ADGRG7: variants seen among roughly 807,000 people sequenced by gnomAD.
ADGRG7 encodes the protein G-protein coupled receptor 128.
ADGRG7 carries 82 observed loss-of-function variants against 88.6 expected under a neutral mutation model. The observed-to-expected ratio is 0.93, with a 90% CI of 0.77 to 1.11. The LOEUF is 1.11. Ranked by LOEUF, ADGRG7 falls within the 50% of genes most tolerant of loss-of-function variation. The pLI is 0.00. For synonymous variants in ADGRG7, 381 were observed against 345.2 expected, an observed-to-expected ratio of 1.10 and a Z score of -1.15; for missense variants, 945 against 953.4, an observed-to-expected ratio of 0.99 and a Z score of 0.12.
intron 11 of ADGRG7, chr3:100,654,513 C>A: frequency 4.5e-6 from 1 of 221,114 alleles, no homozygotes; most frequent in East Asian, 1.2e-4. Context: ...TGTGAAGGGA[C>A]TACGCAGGGC....
At chr3:100,669,147 G>A (rs772162545) in intron 15 of ADGRG7, 42 bp downstream of exon 15, 20 of 1,408,062 alleles carry the variant, frequency 1.4e-5, no homozygotes, top group Non-Finnish European at 1.7e-5. Flanking sequence ...ACACGCAGTG[G>A]TGGAGATATC....
intron 15 of ADGRG7, among the ~76,000 whole-genome samples, chr3:100,691,241 G>C (rs1447913405): frequency 6.6e-6 from 1 of 152,194 alleles, no homozygotes; most frequent in East Asian, 1.9e-4. Context: ...GGAGTGACCC[G>C]ATTTTCCAGG....
rs1707449136 is a variant in ADGRG7, at chr3:100,630,742, T to G, written c.267T>G (p.Thr89=). 1 of 1,473,356 alleles carries G rather than the reference T, an allele frequency of 6.8e-7. No homozygotes were observed. Among genetic ancestry groups the G allele is most frequent in the South Asian group, 1.6e-5 (1 of 64,218 alleles). 91.3% of individuals were successfully genotyped at this position (1,473,356 alleles called of 1,614,324 possible). The part of the protein sequence containing the change: ...FCENSTYMGF[T]FARIPVGRYG... ...AAAATAGTACCTATATGGGTTTTAC[T>G]TTTGCCAGAATCCCAGTGGGCAGAT... Residue 89 remains threonine (T), a synonymous_variant, in exon 3 of 16, where the codon ACT becomes ACG. Coordinates refer to ENST00000273352, the MANE Select transcript of ADGRG7 (RefSeq NM_032787.3).
In ADGRG7 at chr3:100,639,696, C is replaced by T. The variant is rs16842463; in HGVS notation, c.698+2294C>T. Among the ~76,000 whole-genome samples, 709 of 152,036 alleles carry T rather than the reference C, an allele frequency of 4.7e-3. 9 individuals carry two copies. Among genetic ancestry groups the T allele is most frequent in the African/African-American group, 0.016 (667 of 41,442 alleles). ...ATTCTTGCTAGACGGGAGGAATGAA[C>T]GTTTTTGGTGAGAAAGCTGGGAAAA... is the stretch of plus-strand genomic sequence containing the variant. On this transcript the variant is annotated intron_variant, in intron 6 of 15. Transcript: ENST00000273352.
chr3:100,615,596 A>C (rs898294741), intron 1 of ADGRG7, among the ~76,000 whole-genome samples: 5 of 152,242 alleles, frequency 3.3e-5, no homozygotes, highest in African/African-American at 1.2e-4. Context: ...AAAATTGGCA[A>C]ATTACTCCTT....
chr3:100,624,012 T>C (rs529822478), intron 1 of ADGRG7, among the ~76,000 whole-genome samples: 1 of 152,148 alleles, frequency 6.6e-6, no homozygotes, highest in Non-Finnish European at 1.5e-5. Context: ...AATAAACATA[T>C]GGGTTCATGT....
chr3:100,637,185 C>G, intron 5 of ADGRG7, 117 bp from the exon 6 acceptor site: 1 of 691,560 alleles, frequency 1.4e-6, no homozygotes, highest in Non-Finnish European at 2.5e-6. Context: ...AAATGCTTCC[C>G]TCTACATTAT....
chr3:100,686,215 T>C (rs1253819819), intron 15 of ADGRG7, among the ~76,000 whole-genome samples: 1 of 152,082 alleles, frequency 6.6e-6, no homozygotes, highest in Non-Finnish European at 1.5e-5. Flanking sequence ...CACTTTTTGA[T>C]GGGGTTGTTT....
At chr3:100,684,935 A>G (rs890794446) in intron 15 of ADGRG7, among the ~76,000 whole-genome samples, 1 of 152,072 alleles carries the variant, frequency 6.6e-6, no homozygotes, top group Non-Finnish European at 1.5e-5. Context: ...TTTAAAATTT[A>G]TCATGTTGTG....
chr3:100,631,948 T>C lies in ADGRG7; in HGVS notation c.334+1139T>C, dbSNP rs192629522. ...AGTATTCATGATGCTACTCTATCTA[T>C]AAGTCCTCCTGAATTTTTTACTCAC... On this transcript the variant is annotated intron_variant, in intron 3 of 15. Transcript: ENST00000273352. Among the ~76,000 whole-genome samples the C allele has an allele frequency of 2.2e-4, 34 of 152,252 alleles. 1 individual carries two copies. In the East Asian group the frequency reaches 6.0e-3, roughly 27 times the overall value.
chr3:100,689,829 T>C (rs1342074863), intron 15 of ADGRG7, among the ~76,000 whole-genome samples: 1 of 152,192 alleles, frequency 6.6e-6, no homozygotes, highest in Admixed American at 6.5e-5. Flanking sequence ...ATTTCGACTT[T>C]GGTGAATTTG....
intron 1 of ADGRG7, among the ~76,000 whole-genome samples, chr3:100,616,251 A>T (rs1707223363): frequency 6.6e-6 from 1 of 152,162 alleles, no homozygotes; most frequent in South Asian, 2.1e-4. Flanking sequence ...ACAATACAAA[A>T]TTACATGCGA....
intron 1 of ADGRG7, among the ~76,000 whole-genome samples, chr3:100,623,686 T>C (rs912965943): frequency 1.3e-5 from 2 of 152,152 alleles, no homozygotes; most frequent in Non-Finnish European, 2.9e-5. Context: ...TTTGTCTTAA[T>C]GCTCTCCCTC....
At chr3:100,669,206 G>A in intron 15 of ADGRG7, 101 bp downstream of exon 15, 1 of 995,506 alleles carries the variant, frequency 1.0e-6, no homozygotes, top group Non-Finnish European at 1.4e-6. Flanking sequence ...AAAAATCTAG[G>A]CCAGGCGCGG....
chr3:100,677,518 A>G (rs1276934374), intron 15 of ADGRG7, among the ~76,000 whole-genome samples: 1 of 152,128 alleles, frequency 6.6e-6, no homozygotes, highest in African/African-American at 2.4e-5. Flanking sequence ...ACTTACTAAT[A>G]CCAGTGAGTT....
intron 3 of ADGRG7, among the ~76,000 whole-genome samples, chr3:100,631,436 G>C (rs1215982944): frequency 2.0e-5 from 3 of 152,136 alleles, no homozygotes; most frequent in African/African-American, 4.8e-5. Flanking sequence ...TGTCTTCTGA[G>C]TGTAGGCTTT....
intron 1 of ADGRG7, among the ~76,000 whole-genome samples, chr3:100,613,804 C>G (rs1229233925): frequency 2.0e-5 from 3 of 152,038 alleles, no homozygotes. Context: ...CGTTGACGAT[C>G]TAACATGGAA....
intron 9 of ADGRG7, 46 bp from the exon 10 acceptor site, chr3:100,646,523 T>C (rs1016598769): frequency 4.0e-6 from 6 of 1,509,674 alleles, no homozygotes; most frequent in Non-Finnish European, 5.5e-6. Context: ...TTTAACCCAA[T>C]TAAGTATTTA....
chr3:100,643,829 T>C (rs541678282), intron 8 of ADGRG7, among the ~76,000 whole-genome samples, 196 bp downstream of exon 8: 1 of 152,246 alleles, frequency 6.6e-6, no homozygotes, highest in Non-Finnish European at 1.5e-5. Flanking sequence ...TTCTTTGTTT[T>C]TTCTTTTTTC....
Sources: allele counts gnomAD v4.1 joint callset (sites outside exome capture counted in the v4.1 genomes callset), GRCh38; gene constraint gnomAD v4.1.1; transcripts MANE v1.5; gene names NCBI Gene and HGNC (gene_info 2026-07-23, HGNC 2026-07-21).